PRMT7: variants seen among roughly 807,000 people sequenced by gnomAD.
PRMT7 encodes protein arginine methyltransferase 7.
PRMT7 carries 75 observed loss-of-function variants against 85.4 expected under a neutral mutation model. The observed-to-expected ratio is 0.88, with a 90% CI of 0.73 to 1.06. PRMT7 has a LOEUF of 1.06. Ranked by LOEUF, PRMT7 falls within the 50% of genes least tolerant of loss-of-function variation. PRMT7 has a pLI of 0.00. For missense variants in PRMT7, 868 were observed against 915.2 expected (o/e 0.95, Z 0.67); for synonymous variants, 397 against 359.5 (o/e 1.10, Z -1.18).
At chr16:68,324,653 G>T in intron 4 of PRMT7, 30 bp from the exon 5 acceptor site, 1 of 1,611,604 alleles carries the variant, frequency 6.2e-7, no homozygotes, top group Non-Finnish European at 8.5e-7. Flanking sequence ...TATAATAACT[G>T]GTAGTAAGTG....
At chr16:68,336,669 T>G (rs2084737448) in intron 6 of PRMT7, among the ~76,000 whole-genome samples, 1 of 152,254 alleles carries the variant, frequency 6.6e-6, no homozygotes. Context: ...AAAGTTTTCA[T>G]AAGTTTGATT....
In PRMT7 at chr16:68,348,527, A is replaced by G. The variant is rs538736627; in HGVS notation, c.1413+96A>G. 182 of 959,300 alleles carry G rather than the reference A, an allele frequency of 1.9e-4. 1 individual carries two copies. The highest frequency in any genetic ancestry group is 7.6e-4 in the Admixed American group (31 of 40,682). The allele number at this position is 959,300 out of a possible 1,614,324, so 59.4% of individuals were successfully genotyped here. A position where few individuals can be genotyped will look rare whatever the true frequency, so the allele number is the denominator to read the frequency against. On this transcript the variant is annotated intron_variant, in intron 14 of 18. Transcript: ENST00000441236. ...GGCCCCACCCTGTCCCTGGAGTCTC[A>G]CAGTGGGTCCTCCACATGCAACCTT...
rs764233614 is a variant in PRMT7 at position 68,357,392 on chromosome 16, C to G, written c.*168C>G. 1 of 702,890 alleles carries G rather than the reference C, an allele frequency of 1.4e-6. No homozygotes were observed. The highest frequency in any genetic ancestry group is 2.1e-5 in the South Asian group (1 of 47,040). 43.5% of individuals were successfully genotyped at this position (702,890 alleles called of 1,614,324 possible). A position where few individuals can be genotyped will look rare whatever the true frequency, so the allele number is the denominator to read the frequency against. On this transcript the variant is annotated 3_prime_UTR_variant, in exon 19 of 19. Coordinates refer to ENST00000441236, the MANE Select transcript of PRMT7 (RefSeq NM_019023.5). ...TGTTGCATCTTTGCACTGCTGGCCTCTGGCTCCAGCTGTGGCAGGAAGCAT... is the reference window on the plus strand; with the variant it reads ...TGTTGCATCTTTGCACTGCTGGCCTGTGGCTCCAGCTGTGGCAGGAAGCAT...
intron 3 of PRMT7, among the ~76,000 whole-genome samples, chr16:68,317,704 G>A (rs1465584304): frequency 6.6e-6 from 1 of 152,024 alleles, no homozygotes; most frequent in Non-Finnish European, 1.5e-5. Context: ...GCGCATGCAT[G>A]CCTGTAATCC....
intron 7 of PRMT7, 118 bp downstream of exon 7, chr16:68,337,689 C>A: frequency 2.1e-6 from 1 of 467,478 alleles, no homozygotes; most frequent in Non-Finnish European, 3.5e-6. Flanking sequence ...ACACCTGGGA[C>A]ACCCCTCCAT....
Position 68,319,707 on chromosome 16 carries a change from T to TGA in PRMT7, c.96-1715_96-1714dup, listed in dbSNP as rs750187420. Among the ~76,000 whole-genome samples, 261 of 135,464 alleles carry TGA rather than the reference T, an allele frequency of 1.9e-3. 3 individuals carry two copies. Among genetic ancestry groups the TGA allele is most frequent in the Middle Eastern group, 7.6e-3 (2 of 264 alleles). The allele number at this position is 135,464 out of a possible 152,430, so 88.9% of individuals were successfully genotyped here. A position where few individuals can be genotyped will look rare whatever the true frequency, so the allele number is the denominator to read the frequency against. On this transcript the variant is annotated intron_variant, in intron 3 of 18. Coordinates refer to ENST00000441236, the MANE Select transcript of PRMT7 (RefSeq NM_019023.5). ...ATTAGCCCAGCCTTCTCAATAAGAG[T>TGA]GAGAGTGTGTGTGTGTGTGTGTGTG...
At chr16:68,327,122 C>T (rs1217081250) in intron 5 of PRMT7, among the ~76,000 whole-genome samples, 1 of 152,166 alleles carries the variant, frequency 6.6e-6, no homozygotes, top group East Asian at 1.9e-4. Context: ...TGGAGCTGCT[C>T]ACGTAAGTAC....
intron 16 of PRMT7, chr16:68,355,490 A>G (rs1170758232): frequency 2.4e-6 from 1 of 419,198 alleles, no homozygotes; most frequent in South Asian, 6.4e-5. Flanking sequence ...AGGCAGCACC[A>G]CCCCATCTTA....
At chr16:68,336,918 A>C (rs1227171489) in intron 6 of PRMT7, among the ~76,000 whole-genome samples, 2 of 152,068 alleles carry the variant, frequency 1.3e-5, no homozygotes, top group African/African-American at 2.4e-5. Context: ...ACACCTGGCT[A>C]ATTTTTGTAT....
downstream of PRMT7, chr16:68,360,847 CAAAAA>C (rs1370356168): frequency 4.5e-6 from 1 of 220,916 alleles, no homozygotes; most frequent in Admixed American, 5.2e-5. Flanking sequence ...TGGCAGCAGA[CAAAAA>C]TAAAGAACCC....
At position 68,324,872 on chromosome 16, in the gene PRMT7, T is replaced by G. The variant is rs762974543; in HGVS notation, c.282+40T>G. 3 of 1,609,988 alleles carry G rather than the reference T, an allele frequency of 1.9e-6. No individual in the cohort carries two copies. The East Asian group carries it at 6.7e-5, about 36-fold the overall frequency. ...TCAGGTGTGTGTCCTGCATCTTGCA[T>G]GGGAAATCCCCTATGCTCTTGCACT... On this transcript the variant is annotated intron_variant, in intron 5 of 18. Transcript: ENST00000441236.
At chr16:68,317,602 C>T (rs531480841) in intron 3 of PRMT7, among the ~76,000 whole-genome samples, 2 of 152,142 alleles carry the variant, frequency 1.3e-5, no homozygotes, top group South Asian at 2.1e-4. Flanking sequence ...CCAAGGCGGG[C>T]GGATCACCTG....
chr16:68,325,663 C>T (rs1461577340), intron 5 of PRMT7, among the ~76,000 whole-genome samples: 52 of 151,972 alleles, frequency 3.4e-4, no homozygotes, highest in Admixed American at 3.3e-3. Flanking sequence ...TGGTGATGCG[C>T]GCCTGTAATC....
Position 68,357,154 on chromosome 16 carries a change from A to G in PRMT7, c.2009A>G (p.Tyr670Cys), listed in dbSNP as rs749884550. The change falls in exon 19 of 19, where the codon TAT becomes TGT. Residue 670 changes from tyrosine to cysteine, a missense_variant. Tyr to Cys is a radical substitution (Grantham distance 194). Transcript: ENST00000441236. ...ALLGGPRTVS[Y>C]AVEFHPDTGD... ...CTGGGTGGCCCACGGACTGTCAGCTATGCAGTGGAGTTTCACCCCGACACA... is the reference window on the plus strand; with the variant it reads ...CTGGGTGGCCCACGGACTGTCAGCTGTGCAGTGGAGTTTCACCCCGACACA... The G allele has an allele frequency of 2.5e-6, 4 of 1,613,888 alleles. No homozygotes were observed. The highest frequency in any genetic ancestry group is 3.4e-6 in the Non-Finnish European group (4 of 1,180,034).
chr16:68,340,793 GT>G (rs1346671688), intron 9 of PRMT7, among the ~76,000 whole-genome samples: 25 of 152,304 alleles, frequency 1.6e-4, no homozygotes, highest in Admixed American at 1.5e-3. Flanking sequence ...CAGAATAGAT[GT>G]GTGCAGCCCT....
At chr16:68,348,809 T>C (rs190841507) in intron 14 of PRMT7, among the ~76,000 whole-genome samples, 1 of 145,810 alleles carries the variant, frequency 6.9e-6, no homozygotes, top group African/African-American at 2.6e-5. Flanking sequence ...TGGCTAATTT[T>C]TGTATTTTTT....
At chr16:68,342,491 C>T (rs958612396) in intron 9 of PRMT7, among the ~76,000 whole-genome samples, 7 of 152,116 alleles carry the variant, frequency 4.6e-5, no homozygotes, top group African/African-American at 1.2e-4. Context: ...TACCCAGGAG[C>T]GCCTCAGGCA....
At chr16:68,328,850 G>A (rs983593987) in intron 5 of PRMT7, among the ~76,000 whole-genome samples, 37 of 152,202 alleles carry the variant, frequency 2.4e-4, no homozygotes, top group East Asian at 1.2e-3. Flanking sequence ...CAGGATCCCC[G>A]GCATCCCCGC....
intron 16 of PRMT7, 51 bp from the exon 17 acceptor site, chr16:68,355,672 G>C (rs1451663910): frequency 2.1e-6 from 3 of 1,455,342 alleles, no homozygotes; most frequent in Non-Finnish European, 2.7e-6. Flanking sequence ...CGGTACCTCT[G>C]TCTAGCTGCC....
Sources: gnomAD v4.1 joint callset for allele counts (sites outside exome capture counted in the v4.1 genomes callset) on GRCh38, gnomAD v4.1.1 for gene constraint, MANE v1.5 for transcripts, NCBI Gene and HGNC (gene_info 2026-07-23, HGNC 2026-07-21) for gene names.